The following BCL2L13 variants were observed in gnomAD, a reference collection of about 807,000 sequenced individuals.
The protein encoded by BCL2L13 is BCL2 like 13, also known as bcl-2-like protein 13.
In BCL2L13, 13 loss-of-function variants were observed where a neutral mutation model predicts 25.8. That is an observed-to-expected ratio of 0.50 (90% CI 0.33 to 0.80). The LOEUF (loss-of-function observed/expected upper bound fraction) is 0.80, where lower values mean the gene tolerates loss of function less well. Ranked by LOEUF, BCL2L13 falls within the 30% of genes least tolerant of loss-of-function variation. BCL2L13 has a pLI of 0.02. For synonymous variants in BCL2L13, 244 were observed against 230.3 expected, an observed-to-expected ratio of 1.06 and a Z score of -0.54; for missense variants, 504 against 574.9, an observed-to-expected ratio of 0.88 and a Z score of 1.26.
chr22:17,727,672 A>G lies in BCL2L13; in HGVS notation c.*138A>G. On this transcript the variant is annotated 3_prime_UTR_variant, in exon 7 of 7. Coordinates refer to ENST00000317582, the MANE Select transcript of BCL2L13 (RefSeq NM_015367.4). ...GACTTCTGCTCAACATGGCAGTGGC[A>G]TGTTAGGCATGTTAGGGCTTGAGGT... is the stretch of plus-strand genomic sequence containing the variant. The G allele has an allele frequency of 8.9e-7, 1 of 1,119,848 alleles. No individual in the cohort carries two copies. The highest frequency in any genetic ancestry group is 1.3e-6 in the Non-Finnish European group (1 of 796,726). The allele number at this position is 1,119,848 out of a possible 1,614,324, so 69.4% of individuals were successfully genotyped here.
At chr22:17,691,463 A>G (rs1018694198) in intron 4 of BCL2L13, among the ~76,000 whole-genome samples, 1 of 152,076 alleles carries the variant, frequency 6.6e-6, no homozygotes, top group African/African-American at 2.4e-5. Context: ...TGGCTAACAC[A>G]GTGAAACCCC....
intron 1 of BCL2L13, among the ~76,000 whole-genome samples, chr22:17,642,696 C>T (rs767004042): frequency 4.0e-5 from 6 of 151,594 alleles, no homozygotes; most frequent in African/African-American, 9.7e-5. Flanking sequence ...TGGGTTTAAG[C>T]GATTCTCCTG....
chr22:17,643,977 C>T (rs11703052), intron 1 of BCL2L13, among the ~76,000 whole-genome samples: 23,822 of 151,164 alleles, frequency 0.16, 2,432 homozygotes, highest in Non-Finnish European at 0.21. Flanking sequence ...GGTGCAATCT[C>T]GGCTCACTGC....
upstream of BCL2L13, among the ~76,000 whole-genome samples, chr22:17,634,994 A>C (rs1405411715): frequency 6.6e-6 from 1 of 151,816 alleles, no homozygotes; most frequent in Non-Finnish European, 1.5e-5. Context: ...CAACTGATGA[A>C]TGCAAATGAA....
chr22:17,664,471 G>A (rs371317698), intron 2 of BCL2L13, among the ~76,000 whole-genome samples: 9 of 152,242 alleles, frequency 5.9e-5, no homozygotes, highest in African/African-American at 1.9e-4. Context: ...TCTTCCCGGT[G>A]CACAGTGCAA....
chr22:17,695,495 G>T (rs1216933238), intron 4 of BCL2L13, among the ~76,000 whole-genome samples: 1 of 151,988 alleles, frequency 6.6e-6, no homozygotes, highest in Non-Finnish European at 1.5e-5. Flanking sequence ...CTAATTTTTT[G>T]TATTTTAGTA....
chr22:17,664,963 A>G (rs1386342071), intron 2 of BCL2L13, among the ~76,000 whole-genome samples: 1 of 152,184 alleles, frequency 6.6e-6, no homozygotes, highest in Non-Finnish European at 1.5e-5. Context: ...GGTTTCTGAC[A>G]TGCTTTGGAG....
rs2058158025 is a variant in BCL2L13, at chr22:17,638,783, A to T, written c.-154A>T. Reference sequence around the variant, plus strand: ...CCCTCCAACATGGCGGCGGCGGTAGATTAGGGCCGCGGGTCGGAGCACTCA... The same window carrying T: ...CCCTCCAACATGGCGGCGGCGGTAGTTTAGGGCCGCGGGTCGGAGCACTCA... On this transcript the variant is annotated 5_prime_UTR_variant, in exon 1 of 7. Transcript: ENST00000317582. The T allele has an allele frequency of 8.1e-7, 1 of 1,231,562 alleles. No homozygotes were observed. The highest frequency in any genetic ancestry group is 1.6e-5 in the African/African-American group (1 of 64,398). The allele number at this position is 1,231,562 out of a possible 1,614,324, so 76.3% of individuals were successfully genotyped here.
chr22:17,684,712 T>C lies in BCL2L13; in HGVS notation c.229+1391T>C, dbSNP rs5747326. ...CTGAGTAGCCAGGATTACAGGTATG[T>C]GCCACCAAACCTGGCTAATTTTTTG... On this transcript the variant is annotated intron_variant, in intron 3 of 6. Transcript: ENST00000317582. 270,847 of 399,298 alleles carry C rather than the reference T, an allele frequency of 0.68. 92,792 individuals carry two copies. The highest frequency in any genetic ancestry group is 0.85 in the East Asian group (10,193 of 12,016). The allele number at this position is 399,298 out of a possible 1,614,324, so 24.7% of individuals were successfully genotyped here. A position where few individuals can be genotyped will look rare whatever the true frequency, so the allele number is the denominator to read the frequency against.
chr22:17,719,969 C>T (rs1217493380), intron 6 of BCL2L13, among the ~76,000 whole-genome samples: 2 of 151,968 alleles, frequency 1.3e-5, no homozygotes, highest in Non-Finnish European at 2.9e-5. Flanking sequence ...TCAGAATAGG[C>T]AATCCGTAGA....
intron 2 of BCL2L13, among the ~76,000 whole-genome samples, chr22:17,672,288 A>T (rs966873223): frequency 6.6e-6 from 1 of 152,188 alleles, no homozygotes; most frequent in Non-Finnish European, 1.5e-5. Context: ...TAGGTAATTT[A>T]AATGTGTTTC....
chr22:17,657,122 G>C (rs2058899579), intron 2 of BCL2L13, among the ~76,000 whole-genome samples: 1 of 152,030 alleles, frequency 6.6e-6, no homozygotes, highest in South Asian at 2.1e-4. Flanking sequence ...CGGCTTGGCT[G>C]CTTTTTAGAG....
intron 6 of BCL2L13, among the ~76,000 whole-genome samples, chr22:17,721,519 T>G (rs868547603): frequency 2.3e-5 from 3 of 132,520 alleles, no homozygotes; most frequent in Non-Finnish European, 4.7e-5. Flanking sequence ...ATGACACTTA[T>G]AAGAAATTTT....
At chr22:17,636,333 A>T (rs77314600), upstream of BCL2L13, among the ~76,000 whole-genome samples, 9 of 109,862 alleles carry the variant, frequency 8.2e-5, no homozygotes, top group Non-Finnish European at 1.2e-4. Flanking sequence ...AAAAAAAAGA[A>T]AAAAAAAAAA....
intron 5 of BCL2L13, among the ~76,000 whole-genome samples, chr22:17,697,137 T>TAA (rs35494765): frequency 1.7e-4 from 25 of 145,730 alleles, no homozygotes; most frequent in African/African-American, 2.5e-4. Flanking sequence ...AGGTTCTCTT[T>TAA]AAAAAAAAAA....
intron 4 of BCL2L13, among the ~76,000 whole-genome samples, chr22:17,690,584 C>A (rs1304149249): frequency 2.0e-5 from 3 of 151,960 alleles, no homozygotes; most frequent in African/African-American, 7.3e-5. Context: ...TATAGCCAGA[C>A]CCTGTCTCTA....
chr22:17,705,452 C>A (rs968305923), intron 6 of BCL2L13, among the ~76,000 whole-genome samples: 1 of 151,774 alleles, frequency 6.6e-6, no homozygotes, highest in African/African-American at 2.4e-5. Context: ...TGGCTGCCAC[C>A]ACACCCGGCT....
intron 1 of BCL2L13, among the ~76,000 whole-genome samples, chr22:17,654,473 A>T (rs1255851302): frequency 6.7e-6 from 1 of 148,874 alleles, no homozygotes; most frequent in Admixed American, 6.8e-5. Context: ...CCCAGGCTGG[A>T]GTGCAGTGGC....
chr22:17,677,655 T>G (rs1380083106), intron 2 of BCL2L13, among the ~76,000 whole-genome samples: 1 of 152,074 alleles, frequency 6.6e-6, no homozygotes, highest in Non-Finnish European at 1.5e-5. Context: ...AGGTGGATCA[T>G]GAGGTCAGGA....
Sources: gnomAD v4.1 joint callset for allele counts (sites outside exome capture counted in the v4.1 genomes callset) on GRCh38, gnomAD v4.1.1 for gene constraint, MANE v1.5 for transcripts, NCBI Gene and HGNC (gene_info 2026-07-23, HGNC 2026-07-21) for gene names.